The following FOCAD variants were observed in gnomAD, a reference collection of about 807,000 sequenced individuals.
FOCAD encodes the protein focadhesin.
Under a neutral mutation model 225.6 loss-of-function variants are expected in FOCAD, and 198 were observed. The observed-to-expected ratio is 0.88, with a 90% confidence interval of 0.78 to 0.99. The LOEUF (loss-of-function observed/expected upper bound fraction) is 0.99. Among genes scored for constraint, FOCAD ranks in the 50% least tolerant of loss-of-function variants. The pLI is 0.00. For synonymous variants in FOCAD, 897 were observed against 755.0 expected (o/e 1.19, Z -3.08); for missense variants, 2,713 against 2,123.6 (o/e 1.28, Z -5.46).
intron 26 of FOCAD, among the ~76,000 whole-genome samples, chr9:20,928,415 G>A (rs1485067569): frequency 1.3e-5 from 2 of 152,180 alleles, no homozygotes; most frequent in Non-Finnish European, 2.9e-5. Flanking sequence ...GAGAGCGAAT[G>A]GGCCTAGAAT....
intron 5 of FOCAD, among the ~76,000 whole-genome samples, chr9:20,750,337 A>G (rs6475471): frequency 0.84 from 127,816 of 152,218 alleles, 53,778 homozygotes; most frequent in Admixed American, 0.9. Flanking sequence ...TGCTTATGCT[A>G]TAATTTAATA....
intron 37 of FOCAD, among the ~76,000 whole-genome samples, chr9:20,981,118 T>C (rs1840656587): frequency 6.6e-6 from 1 of 152,186 alleles, no homozygotes; most frequent in Non-Finnish European, 1.5e-5. Flanking sequence ...CTTTCAGAAG[T>C]AGCATTTTAT....
intron 15 of FOCAD, among the ~76,000 whole-genome samples, chr9:20,857,975 A>G (rs914223197): frequency 1.3e-5 from 2 of 151,714 alleles, no homozygotes; most frequent in Non-Finnish European, 2.9e-5. Flanking sequence ...TTTTTAATGT[A>G]TTGTTGAATT....
At position 20,911,181 on chromosome 9, in the gene FOCAD, A is replaced by G. The variant is rs747167826; in HGVS notation, c.2719-1685A>G. On this transcript the variant is annotated intron_variant, in intron 22 of 43. Transcript: ENST00000338382. ...CAATATTAATATCTTGCTAATTTCC[A>G]AGAAACAAAGGGGAGAATGAAAGGG... Among the ~76,000 whole-genome samples, 18 of 152,256 alleles carry G rather than the reference A, an allele frequency of 1.2e-4. No individual in the cohort carries two copies. The East Asian group carries it at 3.1e-3, about 26-fold the overall frequency.
chr9:20,730,518 TCTC>T (rs1489335423), intron 4 of FOCAD, among the ~76,000 whole-genome samples: 1 of 152,202 alleles, frequency 6.6e-6, no homozygotes, highest in Non-Finnish European at 1.5e-5. Context: ...TCAGTCCTCT[TCTC>T]CTCTATTTTT....
intron 4 of FOCAD, among the ~76,000 whole-genome samples, chr9:20,735,462 ATCCT>A (rs371332139): frequency 0.013 from 1,904 of 150,590 alleles, 52 homozygotes; most frequent in African/African-American, 0.044. Context: ...TCTTCAGTCA[ATCCT>A]TCCTTCCTTC....
intron 6 of FOCAD, among the ~76,000 whole-genome samples, chr9:20,763,798 A>T (rs1829822068): frequency 6.6e-6 from 1 of 152,180 alleles, no homozygotes; most frequent in South Asian, 2.1e-4. Context: ...ATTGGGCTAG[A>T]TACTGTTTAG....
At chr9:20,808,443 A>G (rs1822700060) in intron 11 of FOCAD, among the ~76,000 whole-genome samples, 1 of 152,220 alleles carries the variant, frequency 6.6e-6, no homozygotes, top group African/African-American at 2.4e-5. Flanking sequence ...ATACTGGAAT[A>G]AAGGTGTGCA....
intron 2 of FOCAD, 50 bp downstream of exon 2, chr9:20,715,460 G>C: frequency 1.8e-6 from 2 of 1,127,124 alleles, no homozygotes; most frequent in Non-Finnish European, 2.4e-6. Context: ...AACCTGTTCT[G>C]TGGATTTTTA....
intron 15 of FOCAD, among the ~76,000 whole-genome samples, chr9:20,845,052 C>T (rs1587379755): frequency 2.0e-5 from 3 of 152,168 alleles, no homozygotes; most frequent in South Asian, 2.1e-4. Context: ...TAATAGAGGG[C>T]AGAGTTTATT....
chr9:20,724,951 T>TTGAG (rs1826072362), intron 4 of FOCAD, among the ~76,000 whole-genome samples: 1 of 152,116 alleles, frequency 6.6e-6, no homozygotes, highest in African/African-American at 2.4e-5. Flanking sequence ...GGTACATCGC[T>TTGAG]TGAGGTCAGG....
chr9:20,918,937 C>T (rs886195036), intron 24 of FOCAD, among the ~76,000 whole-genome samples: 3 of 152,146 alleles, frequency 2.0e-5, no homozygotes, highest in African/African-American at 4.8e-5. Flanking sequence ...CTGCCCGCTG[C>T]CAGCTTAGCT....
intron 2 of FOCAD, among the ~76,000 whole-genome samples, chr9:20,670,101 TA>T (rs1438649942): frequency 6.6e-6 from 1 of 152,256 alleles, no homozygotes; most frequent in African/African-American, 2.4e-5. Context: ...ACTTTCTACA[TA>T]GTAAGAACTT....
chr9:20,784,847 C>T (rs1474752550), intron 10 of FOCAD, among the ~76,000 whole-genome samples: 1 of 152,024 alleles, frequency 6.6e-6, no homozygotes, highest in Non-Finnish European at 1.5e-5. Flanking sequence ...ATTTATTGAA[C>T]ATGTGTGATA....
At chr9:20,729,928 C>A (rs371065683) in intron 4 of FOCAD, among the ~76,000 whole-genome samples, 11 of 152,088 alleles carry the variant, frequency 7.2e-5, no homozygotes, top group Non-Finnish European at 1.6e-4. Flanking sequence ...CCCCACCTCC[C>A]AGAATATTTT....
rs761756799 is a variant in FOCAD at position 20,720,398 on chromosome 9, C to G, written c.151C>G (p.Leu51Val). Residue 51 changes from leucine to valine, a missense_variant, in exon 4 of 44, where the codon CTG becomes GTG. Leu to Val is a conservative substitution (Grantham distance 32). Coordinates refer to ENST00000338382, the MANE Select transcript of FOCAD (RefSeq NM_001375567.1). Reference protein sequence around the residue: ...STNQTPALNLLWEKCCSDNVV... With the variant: ...STNQTPALNLVWEKCCSDNVV... ...GTTTCAGACTCCTGCTTTGAACTTG[C>G]TGTGGGAGAAGTGTTGCAGTGACAA... 3 of 1,613,892 alleles carry G rather than the reference C, an allele frequency of 1.9e-6. No homozygotes were observed. The highest frequency in any genetic ancestry group is 1.1e-5 in the South Asian group (1 of 91,048).
At chr9:20,673,230 A>G (rs1822129188) in intron 2 of FOCAD, among the ~76,000 whole-genome samples, 1 of 152,166 alleles carries the variant, frequency 6.6e-6, no homozygotes, top group African/African-American at 2.4e-5. Flanking sequence ...TGCTATGAAC[A>G]TTTTAATACA....
intron 27 of FOCAD, among the ~76,000 whole-genome samples, chr9:20,932,084 A>G (rs550494061): frequency 6.6e-6 from 1 of 152,156 alleles, no homozygotes; most frequent in South Asian, 2.1e-4. Context: ...TCTCTTTAAC[A>G]TTTGTTTAGG....
chr9:20,726,813 T>C (rs1826235708), intron 4 of FOCAD, among the ~76,000 whole-genome samples: 1 of 152,208 alleles, frequency 6.6e-6, no homozygotes, highest in Non-Finnish European at 1.5e-5. Flanking sequence ...CTTTGTTATG[T>C]AGGAAATGGC....
Sources: allele counts gnomAD v4.1 joint callset (sites outside exome capture counted in the v4.1 genomes callset), GRCh38; gene constraint gnomAD v4.1.1; transcripts MANE v1.5; gene names NCBI Gene and HGNC (gene_info 2026-07-23, HGNC 2026-07-21).